The following TATDN2 variants were observed in gnomAD, a reference collection of about 807,000 sequenced individuals.
TATDN2 encodes TatD DNase domain containing 2.
Under a neutral mutation model 60.3 loss-of-function variants are expected in TATDN2, and 44 were observed. The ratio of observed to expected loss-of-function variants is 0.73; its 90% CI spans 0.57 to 0.94. TATDN2 has a LOEUF of 0.94. Ranked by LOEUF, TATDN2 falls within the 40% of genes least tolerant of loss-of-function variation. The pLI is 0.00. For missense variants in TATDN2, 997 were observed against 948.0 expected, an observed-to-expected ratio of 1.05 and a Z score of -0.68; for synonymous variants, 399 against 355.8, an observed-to-expected ratio of 1.12 and a Z score of -1.37.
chr3:10,263,638 G>A (rs1391569036), intron 3 of TATDN2, among the ~76,000 whole-genome samples: 2 of 151,964 alleles, frequency 1.3e-5, no homozygotes, highest in Admixed American at 1.3e-4. Flanking sequence ...CTCTGTTCTT[G>A]TTTCATCTTC....
rs552586975 is a variant in TATDN2 at position 10,260,160 on chromosome 3, T to A, written c.438T>A (p.His146Gln). ...SLKVDSKDSS[H>Q]NSTNSEFAAE... ...AGGTTGATTCCAAAGATAGTTCTCA[T>A]AACTCCACAAACTCTGAATTTGCAG... The change falls in exon 3 of 8, where the codon CAT (histidine) becomes CAA (glutamine). Residue 146 changes from histidine to glutamine, a missense_variant. Coordinates refer to ENST00000448281, the MANE Select transcript of TATDN2 (RefSeq NM_014760.4). The A allele has an allele frequency of 1.2e-6, 2 of 1,612,788 alleles. No homozygotes were observed. The highest frequency in any genetic ancestry group is 2.2e-5 in the East Asian group (1 of 44,890).
intron 3 of TATDN2, among the ~76,000 whole-genome samples, chr3:10,262,109 G>A (rs1698414905): frequency 1.3e-5 from 2 of 152,168 alleles, no homozygotes; most frequent in Admixed American, 6.5e-5. Context: ...TGCGAGAGCT[G>A]TAAAATCCTT....
chr3:10,254,243 A>T (rs1698270964), intron 2 of TATDN2, among the ~76,000 whole-genome samples: 1 of 152,078 alleles, frequency 6.6e-6, no homozygotes, highest in African/African-American at 2.4e-5. Flanking sequence ...TGTAACAGGG[A>T]TGGGTTTGGA....
chr3:10,275,364 T>C (rs1367568150), intron 4 of TATDN2, among the ~76,000 whole-genome samples: 1 of 152,124 alleles, frequency 6.6e-6, no homozygotes, highest in Non-Finnish European at 1.5e-5. Context: ...AAATTAACAA[T>C]AGTGAAGATT....
intron 3 of TATDN2, among the ~76,000 whole-genome samples, chr3:10,266,469 G>GT (rs773169469): frequency 8.5e-5 from 13 of 152,204 alleles, no homozygotes; most frequent in Non-Finnish European, 1.3e-4. Flanking sequence ...GACCATTTGG[G>GT]TTTAAATCCT....
intron 5 of TATDN2, 102 bp downstream of exon 5, chr3:10,276,590 T>TA: frequency 2.1e-6 from 3 of 1,420,982 alleles, no homozygotes; most frequent in Admixed American, 2.5e-5. Context: ...CACTATCTAT[T>TA]CTTTTTTTTT....
At position 10,270,257 on chromosome 3, in the gene TATDN2, G is replaced by A; in HGVS notation, c.1075G>A (p.Glu359Lys). ...CTCCCTGAAACCTTCAGCCGTTCCG[G>A]AGCCTTCTTCCTTCACCACCGACTA... is the stretch of plus-strand genomic sequence containing the variant. ...PVSLKPSAVPEPSSFTTDYVM... is the reference protein window; with the variant it reads ...PVSLKPSAVPKPSSFTTDYVM... The change falls in exon 4 of 8, where the codon GAG becomes AAG. Residue 359 changes from glutamate to lysine, a missense_variant. Coordinates refer to ENST00000448281, the MANE Select transcript of TATDN2 (RefSeq NM_014760.4). 6.2e-7 allele frequency: 1 copy of A among 1,614,134 alleles called. No homozygotes were observed.
intron 2 of TATDN2, among the ~76,000 whole-genome samples, chr3:10,252,692 AC>A (rs1698248471): frequency 1.5e-5 from 2 of 134,854 alleles, no homozygotes; most frequent in Non-Finnish European, 3.3e-5. Flanking sequence ...TGCTCTGTAA[AC>A]TTTTTTTTTT....
chr3:10,259,134 A>T (rs1698359511), intron 2 of TATDN2, among the ~76,000 whole-genome samples: 1 of 152,042 alleles, frequency 6.6e-6, no homozygotes, highest in Admixed American at 6.5e-5. Flanking sequence ...GGCCTCCCAA[A>T]GTGTTGGGAT....
chr3:10,256,480 T>G, intron 2 of TATDN2, among the ~76,000 whole-genome samples: 1 of 150,310 alleles, frequency 6.7e-6, no homozygotes, highest in East Asian at 2.0e-4. Flanking sequence ...CCAGCCTTGT[T>G]TTTTTTTTTA....
chr3:10,258,042 A>G (rs1018129776), intron 2 of TATDN2, among the ~76,000 whole-genome samples: 13 of 147,276 alleles, frequency 8.8e-5, no homozygotes, highest in African/African-American at 2.8e-4. Flanking sequence ...TTGTATTTTT[A>G]GTAGAGACGG....
chr3:10,260,136 G>T lies in TATDN2; in HGVS notation c.415-1G>T. ...TTTCAATTCTGTTTTTTTTTTCCCAGGTTGATTCCAAAGATAGTTCTCATA... is the reference window on the plus strand; with the variant it reads ...TTTCAATTCTGTTTTTTTTTTCCCATGTTGATTCCAAAGATAGTTCTCATA... On this transcript the variant is annotated splice_acceptor_variant, in intron 2 of 7. Transcript: ENST00000448281. LOFTEE classifies it high-confidence loss of function. 6.3e-7 allele frequency: 1 copy of T among 1,591,282 alleles called. No individual in the cohort carries two copies. The highest frequency in any genetic ancestry group is 8.5e-7 in the Non-Finnish European group (1 of 1,172,260).
chr3:10,270,097 G>C (rs1258811563), intron 3 of TATDN2, 34 bp from the exon 4 acceptor site: 1 of 1,578,106 alleles, frequency 6.3e-7, no homozygotes, highest in Non-Finnish European at 8.6e-7. Context: ...ACATCGGAAG[G>C]CTAACCCACT....
intron 2 of TATDN2, among the ~76,000 whole-genome samples, chr3:10,251,813 G>A (rs1698235757): frequency 6.6e-6 from 1 of 151,770 alleles, no homozygotes; most frequent in African/African-American, 2.4e-5. Flanking sequence ...TCTTAAATAG[G>A]TGAGAATATG....
Position 10,279,036 on chromosome 3 carries a change from T to A in TATDN2, c.*11T>A. 1.2e-6 allele frequency: 2 copies of A among 1,613,858 alleles called. No homozygotes were observed. The highest frequency in any genetic ancestry group is 1.7e-6 in the Non-Finnish European group (2 of 1,179,832). ...CTCTACAGTCTTTAAGCAGAGAAGGTACAGTCCTCGGGAGTCTCCTAGAAA... is the reference window on the plus strand; with the variant it reads ...CTCTACAGTCTTTAAGCAGAGAAGGAACAGTCCTCGGGAGTCTCCTAGAAA... On this transcript the variant is annotated 3_prime_UTR_variant, in exon 7 of 8. Coordinates refer to ENST00000448281, the MANE Select transcript of TATDN2 (RefSeq NM_014760.4).
In TATDN2 at chr3:10,269,663, C is replaced by T. The variant is rs139145128; in HGVS notation, c.949-468C>T. Among the ~76,000 whole-genome samples, 252 of 152,086 alleles carry T rather than the reference C, an allele frequency of 1.7e-3. No homozygotes were observed. In the Middle Eastern group the frequency reaches 0.017, roughly 10 times the overall value. ...TTTCAGTGAGTCGAGATCTCACCACCGCATTCCAGCCTGGGCAACAGAGCA... is the reference window on the plus strand; with the variant it reads ...TTTCAGTGAGTCGAGATCTCACCACTGCATTCCAGCCTGGGCAACAGAGCA... On this transcript the variant is annotated intron_variant, in intron 3 of 7. Coordinates refer to ENST00000448281, the MANE Select transcript of TATDN2 (RefSeq NM_014760.4).
In TATDN2 at chr3:10,277,935, C is replaced by T. The variant is rs1202597234; in HGVS notation, c.1962-344C>T. On this transcript the variant is annotated intron_variant, in intron 5 of 7. Coordinates refer to ENST00000448281, the MANE Select transcript of TATDN2 (RefSeq NM_014760.4). ...ACTACTTGGGCATAGTTTTTATATG[C>T]TGTCGTTGTCATCATAGGGGCCACA... 3.9e-4 allele frequency among the ~76,000 whole-genome samples: 60 copies of T among 152,062 alleles called. 1 individual carries two copies. Among genetic ancestry groups the T allele is most frequent in the Admixed American group, 3.9e-3 (60 of 15,268 alleles).
intron 2 of TATDN2, among the ~76,000 whole-genome samples, chr3:10,254,466 C>G (rs1053379185): frequency 6.6e-6 from 1 of 152,212 alleles, no homozygotes; most frequent in African/African-American, 2.4e-5. Context: ...CCTGCGTTCC[C>G]TGGACACTTG....
intron 3 of TATDN2, among the ~76,000 whole-genome samples, chr3:10,262,324 G>A (rs575239547): frequency 2.6e-5 from 4 of 152,094 alleles, no homozygotes; most frequent in South Asian, 2.1e-4. Flanking sequence ...TTCTTCCTTG[G>A]TTTACTCTCA....
Sources: allele counts gnomAD v4.1 joint callset (sites outside exome capture counted in the v4.1 genomes callset), GRCh38; gene constraint gnomAD v4.1.1; transcripts MANE v1.5; gene names NCBI Gene and HGNC (gene_info 2026-07-23, HGNC 2026-07-21).